KIF6: variants seen among roughly 807,000 people sequenced by gnomAD.
KIF6 encodes the protein kinesin family member 6.
In KIF6, 106 loss-of-function variants were observed where a neutral mutation model predicts 112.7. That is an observed-to-expected ratio of 0.94 (90% CI 0.80 to 1.11). The LOEUF (loss-of-function observed/expected upper bound fraction) is 1.11. KIF6 is among the 50% of genes least tolerant of loss of function. KIF6 has a pLI of 0.00. For missense variants in KIF6, 929 were observed against 964.0 expected, an observed-to-expected ratio of 0.96 and a Z score of 0.48; for synonymous variants, 339 against 339.9, an observed-to-expected ratio of 1.00 and a Z score of 0.03.
intron 3 of KIF6, among the ~76,000 whole-genome samples, chr6:39,669,755 T>C (rs985158970): frequency 1.2e-4 from 18 of 152,236 alleles, no homozygotes; most frequent in African/African-American, 4.3e-4. Context: ...CCTTTGGTGA[T>C]GCAGTGTGGA....
At chr6:39,505,137 G>T (rs1776356216) in intron 13 of KIF6, among the ~76,000 whole-genome samples, 1 of 152,114 alleles carries the variant, frequency 6.6e-6, no homozygotes, top group African/African-American at 2.4e-5. Context: ...GCATGATACT[G>T]GTACAAGAAC....
chr6:39,454,554 AT>A, intron 13 of KIF6, among the ~76,000 whole-genome samples: 1 of 144,284 alleles, frequency 6.9e-6, no homozygotes, highest in Non-Finnish European at 1.5e-5. Flanking sequence ...AAAAAAAAAG[AT>A]CGAGCGTGAG....
chr6:39,514,569 G>C (rs1264692331), intron 13 of KIF6, among the ~76,000 whole-genome samples: 6 of 152,136 alleles, frequency 3.9e-5, no homozygotes, highest in African/African-American at 1.4e-4. Context: ...TTTGCATTCT[G>C]GGGAATAACC....
chr6:39,364,726 T>C (rs985560600), intron 16 of KIF6, among the ~76,000 whole-genome samples: 5 of 152,220 alleles, frequency 3.3e-5, no homozygotes, highest in African/African-American at 9.6e-5. Context: ...AAAATAACCC[T>C]TCAAGGATGG....
intron 13 of KIF6, among the ~76,000 whole-genome samples, chr6:39,511,206 A>G (rs2150509968): frequency 6.6e-6 from 1 of 152,298 alleles, no homozygotes; most frequent in Non-Finnish European, 1.5e-5. Flanking sequence ...CTCTGGACCA[A>G]GGTAATATCC....
At chr6:39,413,145 T>C (rs532951259) in intron 15 of KIF6, among the ~76,000 whole-genome samples, 11 of 152,146 alleles carry the variant, frequency 7.2e-5, no homozygotes, top group Non-Finnish European at 1.5e-4. Context: ...TCCCCGAGTT[T>C]TCAGTGTGCC....
At chr6:39,403,626 A>T (rs1442963920) in intron 15 of KIF6, among the ~76,000 whole-genome samples, 1 of 152,192 alleles carries the variant, frequency 6.6e-6, no homozygotes, top group Non-Finnish European at 1.5e-5. Context: ...ATCTGCATAC[A>T]AGTTTGTGTG....
At chr6:39,660,734 C>G (rs1039447384) in intron 3 of KIF6, among the ~76,000 whole-genome samples, 1 of 152,152 alleles carries the variant, frequency 6.6e-6, no homozygotes, top group Non-Finnish European at 1.5e-5. Context: ...ACAGCAACTT[C>G]AAAATACTAA....
intron 10 of KIF6, among the ~76,000 whole-genome samples, chr6:39,551,811 C>T (rs1455993898): frequency 6.6e-6 from 1 of 151,998 alleles, no homozygotes; most frequent in African/African-American, 2.4e-5. Flanking sequence ...ATTCATCAAC[C>T]CTCTGTGGGT....
chr6:39,384,727 A>C (rs1767264217), intron 16 of KIF6, among the ~76,000 whole-genome samples: 1 of 152,222 alleles, frequency 6.6e-6, no homozygotes, highest in South Asian at 2.1e-4. Context: ...CAGGTAATTG[A>C]GGGCCCACAC....
intron 13 of KIF6, among the ~76,000 whole-genome samples, chr6:39,474,485 A>G (rs1774309005): frequency 6.6e-6 from 1 of 152,254 alleles, no homozygotes; most frequent in African/African-American, 2.4e-5. Flanking sequence ...GGCACATAGT[A>G]AGTGTTCAAT....
At position 39,445,351 on chromosome 6, in the gene KIF6, C is replaced by T. The variant is rs1321372816; in HGVS notation, c.1646-14190G>A. ...AGGAGGTGATCCTTTAACCTCTGACCTCTCTGTATCCTAATAGCTTCTTCT... is the reference window on the plus strand; with the variant it reads ...AGGAGGTGATCCTTTAACCTCTGACTTCTCTGTATCCTAATAGCTTCTTCT... On this transcript the variant is annotated intron_variant, in intron 13 of 22. Coordinates refer to ENST00000287152, the MANE Select transcript of KIF6 (RefSeq NM_145027.6). Among the ~76,000 whole-genome samples the T allele has an allele frequency of 7.2e-5, 11 of 152,304 alleles. 1 individual carries two copies. The Middle Eastern group carries it at 0.02, about 283-fold the overall frequency.
chr6:39,367,172 T>G (rs1396404020), intron 16 of KIF6, among the ~76,000 whole-genome samples: 4 of 152,206 alleles, frequency 2.6e-5, no homozygotes, highest in African/African-American at 4.8e-5. Flanking sequence ...TCTGATATGT[T>G]CTGAGGCTTG....
intron 13 of KIF6, among the ~76,000 whole-genome samples, chr6:39,538,821 T>C (rs1276539633): frequency 2.7e-5 from 4 of 148,844 alleles, no homozygotes; most frequent in South Asian, 2.2e-4. Flanking sequence ...CCAACCCAAA[T>C]GTCCAACAAT....
At chr6:39,561,768 T>A (rs566267005) in intron 10 of KIF6, among the ~76,000 whole-genome samples, 3 of 152,316 alleles carry the variant, frequency 2.0e-5, no homozygotes, top group African/African-American at 7.2e-5. Flanking sequence ...AGTTTTGAAA[T>A]GTGCCTAGGG....
chr6:39,406,251 G>A (rs568084667), intron 15 of KIF6, among the ~76,000 whole-genome samples: 28 of 152,080 alleles, frequency 1.8e-4, no homozygotes, highest in African/African-American at 6.3e-4. Flanking sequence ...AAAGTGATCC[G>A]CCTGCCTCAG....
At chr6:39,711,412 C>T (rs1789551940) in intron 3 of KIF6, among the ~76,000 whole-genome samples, 1 of 151,850 alleles carries the variant, frequency 6.6e-6, no homozygotes, top group African/African-American at 2.4e-5. Context: ...GAACTATTAA[C>T]ACAGAGTGCT....
chr6:39,370,494 A>T (rs1487610449), intron 16 of KIF6, among the ~76,000 whole-genome samples: 1 of 152,192 alleles, frequency 6.6e-6, no homozygotes, highest in East Asian at 1.9e-4. Context: ...TTGTAAATTA[A>T]TCCTTTCATT....
chr6:39,519,033 C>T (rs1189413418), intron 13 of KIF6, among the ~76,000 whole-genome samples: 2 of 152,208 alleles, frequency 1.3e-5, no homozygotes, highest in South Asian at 4.1e-4. Context: ...TGACACCATG[C>T]ATGGAACTGA....
Sources: allele counts gnomAD v4.1 joint callset (sites outside exome capture counted in the v4.1 genomes callset), GRCh38; gene constraint gnomAD v4.1.1; transcripts MANE v1.5; gene names NCBI Gene and HGNC (gene_info 2026-07-23, HGNC 2026-07-21).